The following CCDC201 variants were observed in gnomAD, a reference collection of about 807,000 sequenced individuals.
CCDC201 encodes the protein coiled-coil domain-containing protein 201.
rs72563707 is a variant in CCDC201 at position 45,872,743 on chromosome 7, C to A, written c.18+247G>T. Among the ~76,000 whole-genome samples, 608 of 152,278 alleles carry A rather than the reference C, an allele frequency of 4.0e-3. 4 individuals carry two copies. Among genetic ancestry groups the A allele is most frequent in the African/African-American group, 0.014 (577 of 41,564 alleles). ...TCTCTCCTGCAGGCCATGTCGTGGG[C>A]ATCAAGAGGAGACTCTGGGCAAGGC... On this transcript the variant is annotated intron_variant, in intron 1 of 2. Coordinates refer to ENST00000636578, the Ensembl canonical transcript of CCDC201.
the CCDC201 span, among the ~76,000 whole-genome samples, chr7:45,881,282 C>T: frequency 6.5e-4 from 99 of 152,292 alleles, no homozygotes; most frequent in Middle Eastern, 3.4e-3. Context: ...TCTCACCACC[C>T]AGCTGCAGCA....
chr7:45,869,168 G>A (rs1429649968), intron 1 of CCDC201, among the ~76,000 whole-genome samples: 2 of 152,086 alleles, frequency 1.3e-5, no homozygotes, highest in African/African-American at 4.8e-5. Flanking sequence ...TTCCCACCAA[G>A]GCCTTAGAAT....
At chr7:45,873,920 CTTTTTTT>C (rs201948561), upstream of CCDC201, among the ~76,000 whole-genome samples, 2 of 121,406 alleles carry the variant, frequency 1.6e-5, no homozygotes, top group Non-Finnish European at 3.3e-5. Context: ...CATTTACTTA[CTTTTTTT>C]TTTTTTTTTT....
intron 1 of CCDC201, among the ~76,000 whole-genome samples, chr7:45,871,958 G>A (rs1415110724): frequency 6.6e-6 from 1 of 152,146 alleles, no homozygotes; most frequent in Non-Finnish European, 1.5e-5. Context: ...TCTATGGAAG[G>A]CAATTTGGTA....
chr7:45,878,501 C>A, the CCDC201 span, among the ~76,000 whole-genome samples: 68 of 152,370 alleles, frequency 4.5e-4, no homozygotes, highest in East Asian at 7.7e-3. Flanking sequence ...TCTGTGCACA[C>A]ACAGGCCCAA....
At chr7:45,863,760 T>TG (rs1265129413) in intron 2 of CCDC201, among the ~76,000 whole-genome samples, 1 of 151,826 alleles carries the variant, frequency 6.6e-6, no homozygotes, top group Non-Finnish European at 1.5e-5. Flanking sequence ...TGGCCAACAA[T>TG]GGCAGGCCCA....
intron 1 of CCDC201, among the ~76,000 whole-genome samples, chr7:45,871,372 C>G (rs1405491856): frequency 2.9e-5 from 4 of 139,116 alleles, no homozygotes; most frequent in Non-Finnish European, 4.8e-5. Flanking sequence ...CATAAATTAC[C>G]AGAAAAAAAA....
exon 3 of CCDC201, chr7:45,863,009 C>T (rs1012674859): frequency 6.6e-6 from 1 of 152,286 alleles, no homozygotes; most frequent in Non-Finnish European, 1.5e-5. Context: ...CCAAGGAGGG[C>T]ACCATGTGGA....
chr7:45,863,428 GA>G (rs1400650079), intron 2 of CCDC201, among the ~76,000 whole-genome samples: 6 of 152,134 alleles, frequency 3.9e-5, no homozygotes, highest in Non-Finnish European at 8.8e-5. Flanking sequence ...GTCTGTGTCT[GA>G]CAAAGGAGGG....
At chr7:45,878,432 A>G in the CCDC201 span, among the ~76,000 whole-genome samples, 1 of 152,254 alleles carries the variant, frequency 6.6e-6, no homozygotes, top group African/African-American at 2.4e-5. Context: ...CTGGACATCC[A>G]GACATTTCCA....
chr7:45,878,483 C>T, the CCDC201 span, among the ~76,000 whole-genome samples: 4 of 152,260 alleles, frequency 2.6e-5, no homozygotes, highest in African/African-American at 9.6e-5. Flanking sequence ...TAAGCCTCAA[C>T]TCTTGCCTCT....
chr7:45,864,316 T>C (rs576393780), intron 2 of CCDC201, among the ~76,000 whole-genome samples: 610 of 152,260 alleles, frequency 4.0e-3, no homozygotes, highest in Non-Finnish European at 7.2e-3. Flanking sequence ...ACAACATGCG[T>C]TCCACATGGG....
exon 2 of CCDC201, chr7:45,866,138 T>TTGCTGCTGC (rs202125878): frequency 4.0e-5 from 8 of 200,568 alleles, no homozygotes; most frequent in East Asian, 3.3e-4. Context: ...GGAGGGACTC[T>TTGCTGCTGC]TGCTGCTGCT....
At chr7:45,861,490 ACTGT>A (rs1265542164) in exon 3 of CCDC201, 4 of 152,252 alleles carry the variant, frequency 2.6e-5, no homozygotes, top group South Asian at 2.1e-4. Flanking sequence ...ATATGAAGTT[ACTGT>A]CTAACTGCAG....
At chr7:45,870,572 A>G (rs959693154) in intron 1 of CCDC201, among the ~76,000 whole-genome samples, 1 of 152,250 alleles carries the variant, frequency 6.6e-6, no homozygotes, top group Admixed American at 6.5e-5. Flanking sequence ...GGCAAAATAC[A>G]TGAAACAAGA....
upstream of CCDC201, among the ~76,000 whole-genome samples, chr7:45,873,384 G>A (rs1378299344): frequency 6.2e-5 from 9 of 144,346 alleles, no homozygotes; most frequent in Admixed American, 1.4e-4. Flanking sequence ...AAGGCAACTG[G>A]AAAAAAAAAA....
chr7:45,875,835 G>T (rs1229612480), upstream of CCDC201, among the ~76,000 whole-genome samples: 2 of 152,178 alleles, frequency 1.3e-5, no homozygotes, highest in Admixed American at 1.3e-4. Flanking sequence ...CTGGAGTCTT[G>T]AATTACTTTT....
At chr7:45,885,129 G>A in the CCDC201 span, among the ~76,000 whole-genome samples, 3 of 152,162 alleles carry the variant, frequency 2.0e-5, no homozygotes, top group Non-Finnish European at 2.9e-5. Context: ...AGCATGATAG[G>A]GTGATGGAAG....
At position 45,861,350 on chromosome 7, in the gene CCDC201, G is replaced by C. The variant is rs371638774; in HGVS notation, c.*1735C>G. On this transcript the variant is annotated 3_prime_UTR_variant, in exon 3 of 3. Transcript: ENST00000636578. ...AATTTTGTAACCCAATAATATATAA[G>C]TTATAAAAAAAGAAAAAAGTAAACT... 5.1e-4 allele frequency: 76 copies of C among 149,140 alleles called. 2 individuals carry two copies. The East Asian group carries it at 6.2e-3, about 12-fold the overall frequency. 9.2% of individuals were successfully genotyped at this position (149,140 alleles called of 1,614,324 possible). A position where few individuals can be genotyped will look rare whatever the true frequency, so the allele number is the denominator to read the frequency against.
Sources: gnomAD v4.1 joint callset for allele counts (sites outside exome capture counted in the v4.1 genomes callset) on GRCh38, gnomAD v4.1.1 for gene constraint, MANE v1.5 for transcripts, NCBI Gene and HGNC (gene_info 2026-07-23, HGNC 2026-07-21) for gene names.